The following CCDC178 variants were observed in gnomAD, a reference collection of about 807,000 sequenced individuals.
CCDC178 encodes the protein coiled-coil domain containing 178, also known as coiled-coil domain-containing protein 178.
Under a neutral mutation model 117.4 loss-of-function variants are expected in CCDC178, and 126 were observed. That is an observed-to-expected ratio of 1.07 (90% confidence interval 0.93 to 1.24). CCDC178 has a LOEUF of 1.24. Ranked by LOEUF, CCDC178 falls within the 50% of genes most tolerant of loss-of-function variation. The probability of loss-of-function intolerance (pLI) is 0.00; values close to 1 mark genes in which losing one functional copy is unlikely to be tolerated. For missense variants in CCDC178, 1,030 were observed against 986.9 expected (o/e 1.04, Z -0.59); for synonymous variants, 283 against 313.4 (o/e 0.90, Z 1.02).
chr18:33,181,709 T>C lies in CCDC178; in HGVS notation c.2238+30187A>G, dbSNP rs552418980. 3.0e-4 allele frequency among the ~76,000 whole-genome samples: 45 copies of C among 152,056 alleles called. 1 individual carries two copies. In the South Asian group the frequency reaches 8.9e-3, roughly 30 times the overall value. ...TTAATAGAGGTTATAACAGTGCCCA[T>C]ACATTAATATAGTCTGTGTTTTATC... On this transcript the variant is annotated intron_variant, in intron 20 of 22. Transcript: ENST00000383096.
chr18:32,986,689 A>G (rs909326236), intron 21 of CCDC178, among the ~76,000 whole-genome samples: 1 of 152,152 alleles, frequency 6.6e-6, no homozygotes, highest in Non-Finnish European at 1.5e-5. Flanking sequence ...GGTGAATAAC[A>G]ACAAAACAGG....
Position 33,008,312 on chromosome 18 carries a change from C to T in CCDC178, c.2389-33631G>A, listed in dbSNP as rs528798513. 6.6e-5 allele frequency among the ~76,000 whole-genome samples: 10 copies of T among 152,156 alleles called. No homozygotes were observed. In the South Asian group the frequency reaches 1.9e-3, roughly 28 times the overall value. On this transcript the variant is annotated intron_variant, in intron 21 of 22. Transcript: ENST00000383096. ...AATTCACTGAAAAATATTGAAGTAA[C>T]CAGAAAACATTGTCCACAAATTTCC... is the stretch of plus-strand genomic sequence containing the variant.
At chr18:33,052,672 ATAAAATCCTT>A (rs2056765818) in intron 21 of CCDC178, among the ~76,000 whole-genome samples, 1 of 152,216 alleles carries the variant, frequency 6.6e-6, no homozygotes, top group Non-Finnish European at 1.5e-5. Flanking sequence ...AATAGCTCCT[ATAAAATCCTT>A]TATTATTATT....
intron 20 of CCDC178, among the ~76,000 whole-genome samples, chr18:33,112,938 C>G (rs939810937): frequency 2.6e-5 from 4 of 151,878 alleles, no homozygotes; most frequent in Non-Finnish European, 5.9e-5. Context: ...AAACTGTTAG[C>G]CTAACTTGGC....
At chr18:33,417,813 T>C (rs2063967428) in intron 2 of CCDC178, among the ~76,000 whole-genome samples, 2 of 152,114 alleles carry the variant, frequency 1.3e-5, no homozygotes, top group Admixed American at 6.6e-5. Context: ...AAACTCTGAA[T>C]AGACCCATAA....
chr18:32,958,979 C>G (rs1405843005), intron 22 of CCDC178, among the ~76,000 whole-genome samples: 2 of 152,160 alleles, frequency 1.3e-5, no homozygotes, highest in Non-Finnish European at 2.9e-5. Context: ...ACTCAGCTCT[C>G]TACAATTCAG....
At chr18:33,344,803 GCACACACACACACACACA>G (rs63067861) in intron 9 of CCDC178, among the ~76,000 whole-genome samples, 37 of 120,876 alleles carry the variant, frequency 3.1e-4, no homozygotes, top group Admixed American at 1.3e-3. Context: ...TGCCTCTAAA[GCACACACACACACACACA>G]CACACACACA....
intron 20 of CCDC178, among the ~76,000 whole-genome samples, chr18:33,156,624 T>C (rs2058400403): frequency 7.7e-6 from 1 of 129,826 alleles, no homozygotes. Context: ...TCATTTTTGC[T>C]TCCTAATCCT....
intron 14 of CCDC178, among the ~76,000 whole-genome samples, chr18:33,247,461 G>T (rs1267059440): frequency 6.6e-6 from 1 of 151,768 alleles, no homozygotes; most frequent in African/African-American, 2.4e-5. Context: ...AATTAAAATA[G>T]TTTTGAAATA....
intron 3 of CCDC178, among the ~76,000 whole-genome samples, chr18:33,402,155 G>T (rs1238384471): frequency 6.6e-6 from 1 of 151,952 alleles, no homozygotes; most frequent in African/African-American, 2.4e-5. Flanking sequence ...ACCCACAAAA[G>T]ACAAAAGTTA....
intron 20 of CCDC178, among the ~76,000 whole-genome samples, chr18:33,115,207 T>C (rs1386901080): frequency 2.0e-5 from 3 of 152,184 alleles, no homozygotes; most frequent in Admixed American, 1.3e-4. Context: ...CATTTACTCA[T>C]GTCCCTGATG....
At chr18:33,281,035 T>C (rs971093253) in intron 12 of CCDC178, among the ~76,000 whole-genome samples, 30 of 151,998 alleles carry the variant, frequency 2.0e-4, no homozygotes, top group African/African-American at 6.8e-4. Context: ...CACACCAGCA[T>C]GGCACATGGA....
intron 3 of CCDC178, among the ~76,000 whole-genome samples, chr18:33,398,395 A>G (rs1398264483): frequency 6.6e-6 from 1 of 152,198 alleles, no homozygotes. Flanking sequence ...GATTCAAACT[A>G]GAAAATCTAC....
At chr18:33,154,069 G>A (rs2058366793) in intron 20 of CCDC178, among the ~76,000 whole-genome samples, 1 of 152,038 alleles carries the variant, frequency 6.6e-6, no homozygotes, top group Non-Finnish European at 1.5e-5. Context: ...AAAATATAAT[G>A]GAAATGAGTT....
chr18:33,250,228 T>A (rs1247039152), intron 14 of CCDC178, among the ~76,000 whole-genome samples: 1 of 151,850 alleles, frequency 6.6e-6, no homozygotes, highest in Non-Finnish European at 1.5e-5. Flanking sequence ...ACCAGATAAC[T>A]ATTTTAAAAA....
chr18:33,286,731 T>C (rs1221704079), intron 12 of CCDC178, among the ~76,000 whole-genome samples: 3 of 152,132 alleles, frequency 2.0e-5, no homozygotes, highest in Admixed American at 1.3e-4. Context: ...ACTAAGTTAC[T>C]AAAAAATAAT....
intron 2 of CCDC178, among the ~76,000 whole-genome samples, chr18:33,432,257 A>G (rs896868117): frequency 6.6e-6 from 1 of 152,138 alleles, no homozygotes; most frequent in African/African-American, 2.4e-5. Flanking sequence ...GGCACCACAG[A>G]ATTGGAATTT....
At chr18:33,040,322 A>G (rs1003310566) in intron 21 of CCDC178, among the ~76,000 whole-genome samples, 3 of 151,944 alleles carry the variant, frequency 2.0e-5, no homozygotes, top group African/African-American at 7.2e-5. Context: ...AGTCTAAAAT[A>G]AAGAGGCAAA....
At chr18:33,415,493 T>C (rs745821168) in intron 2 of CCDC178, among the ~76,000 whole-genome samples, 5 of 150,642 alleles carry the variant, frequency 3.3e-5, no homozygotes, top group South Asian at 2.1e-4. Flanking sequence ...TAGGTGAGAA[T>C]TGAACAATGA....
Sources: gnomAD v4.1 joint callset for allele counts (sites outside exome capture counted in the v4.1 genomes callset) on GRCh38, gnomAD v4.1.1 for gene constraint, MANE v1.5 for transcripts, NCBI Gene and HGNC (gene_info 2026-07-23, HGNC 2026-07-21) for gene names.